The following ASB2 variants were observed in gnomAD, a reference collection of about 807,000 sequenced individuals.
ASB2 encodes ankyrin repeat and SOCS box containing 2, also known as ankyrin repeat and SOCS box protein 2.
Under a neutral mutation model 62.4 loss-of-function variants are expected in ASB2, and 58 were observed. The ratio of observed to expected loss-of-function variants is 0.93; its 90% confidence interval spans 0.75 to 1.16. The LOEUF is 1.16. ASB2 is among the 50% of genes most tolerant of loss of function. The pLI, the probability that ASB2 is intolerant of heterozygous loss-of-function variation, is 0.00. For synonymous variants in ASB2, 386 were observed against 385.3 expected (o/e 1.00, Z -0.02); for missense variants, 928 against 887.9 (o/e 1.05, Z -0.57).
chr14:93,951,139 GAC>G lies in ASB2; in HGVS notation c.738_739del (p.Arg248GlnfsTer2). On this transcript the variant is annotated frameshift_variant, in exon 6 of 10. Coordinates refer to ENST00000555019, the MANE Select transcript of ASB2 (RefSeq NM_001202429.2). LOFTEE classifies it high-confidence loss of function. ...CTGCATGACCTCCAGGTCATTGCGA[GAC>G]ACAGACTCGTGCAGAGCGGTCCAGC... 5 of 1,614,228 alleles carry G rather than the reference GAC, an allele frequency of 3.1e-6. No homozygotes were observed. Among genetic ancestry groups the G allele is most frequent in the Admixed American group, 1.7e-5 (1 of 60,030 alleles).
chr14:93,954,602 T>G, intron 3 of ASB2, 119 bp from the exon 4 acceptor site: 1 of 885,284 alleles, frequency 1.1e-6, no homozygotes, highest in Non-Finnish European at 1.7e-6. Context: ...GGTTCCAGGA[T>G]GAGCACTCAG....
intron 3 of ASB2, among the ~76,000 whole-genome samples, chr14:93,956,094 C>T (rs1320059471): frequency 2.0e-5 from 3 of 152,184 alleles, no homozygotes; most frequent in African/African-American, 7.2e-5. Context: ...AATGCAGTTC[C>T]AGTGATAGGG....
intron 9 of ASB2, among the ~76,000 whole-genome samples, chr14:93,936,321 C>T (rs1888269325): frequency 6.6e-6 from 1 of 152,376 alleles, no homozygotes; most frequent in South Asian, 2.1e-4. Flanking sequence ...CAAATGCGTA[C>T]TCCACACTAA....
At chr14:93,959,163 A>G (rs1889324707) in intron 2 of ASB2, among the ~76,000 whole-genome samples, 1 of 152,168 alleles carries the variant, frequency 6.6e-6, no homozygotes, top group Non-Finnish European at 1.5e-5. Context: ...CATTCAACAA[A>G]GAGTTCCCAG....
At chr14:93,944,546 G>T (rs868710980) in intron 7 of ASB2, among the ~76,000 whole-genome samples, 1 of 152,228 alleles carries the variant, frequency 6.6e-6, no homozygotes, top group Non-Finnish European at 1.5e-5. Flanking sequence ...TCAAATCCCC[G>T]AGCAGAGGGC....
At chr14:93,936,858 G>A (rs981810714) in intron 9 of ASB2, among the ~76,000 whole-genome samples, 15 of 152,208 alleles carry the variant, frequency 9.9e-5, no homozygotes, top group Non-Finnish European at 1.8e-4. Flanking sequence ...CCCTAGGGTA[G>A]CTAGAATGCC....
intron 3 of ASB2, chr14:93,955,169 A>G (rs1889136763): frequency 2.2e-6 from 1 of 456,424 alleles, no homozygotes; most frequent in African/African-American, 2.0e-5. Flanking sequence ...ACTTTTGGGG[A>G]GGCTTCTGCA....
chr14:93,947,562 G>A (rs1233061124), intron 6 of ASB2, 42 bp from the exon 7 acceptor site: 1 of 1,604,842 alleles, frequency 6.2e-7, no homozygotes, highest in Non-Finnish European at 8.5e-7. Context: ...AAGTGACCGG[G>A]AAGTTGCTGT....
At chr14:93,952,716 G>T (rs1567025496) in intron 5 of ASB2, among the ~76,000 whole-genome samples, 2 of 152,228 alleles carry the variant, frequency 1.3e-5, no homozygotes, top group Admixed American at 6.5e-5. Context: ...GGGGATACCA[G>T]CAGTGCCTAC....
intron 7 of ASB2, chr14:93,939,878 T>C (rs1486145614): frequency 8.7e-6 from 4 of 460,388 alleles, no homozygotes; most frequent in South Asian, 4.6e-5. Context: ...GTCTCCGCTT[T>C]ACAGATAAGG....
In ASB2 at chr14:93,955,082, C is replaced by A. The variant is rs535124082; in HGVS notation, c.312-599G>T. On this transcript the variant is annotated intron_variant, in intron 3 of 9. Transcript: ENST00000555019. Reference sequence around the variant, plus strand: ...TGTTCATTCATTGCTTCCTTCCTTCCTTCATTCATTCACTGAGCTCCCTAC... The same window carrying A: ...TGTTCATTCATTGCTTCCTTCCTTCATTCATTCATTCACTGAGCTCCCTAC... The A allele has an allele frequency of 4.8e-5, 22 of 456,760 alleles. No individual in the cohort carries two copies. The East Asian group carries it at 1.2e-3, about 25-fold the overall frequency. 28.3% of individuals were successfully genotyped at this position (456,760 alleles called of 1,614,324 possible).
At chr14:93,942,314 T>TCCTTGTCCCCTC in intron 7 of ASB2, 1 of 455,486 alleles carries the variant, frequency 2.2e-6, no homozygotes, top group South Asian at 1.5e-5. Context: ...CCCTACCCCT[T>TCCTTGTCCCCTC]CCTTGTCCCC....
intron 1 of ASB2, among the ~76,000 whole-genome samples, chr14:93,966,115 C>A (rs1301799651): frequency 1.3e-5 from 2 of 152,234 alleles, no homozygotes; most frequent in Admixed American, 1.3e-4. Context: ...AGGCCAGCAC[C>A]TTATGTGAGG....
At chr14:93,934,822 A>C (rs1315551479) in intron 9 of ASB2, 30 bp from the exon 10 acceptor site, 1 of 1,598,020 alleles carries the variant, frequency 6.3e-7, no homozygotes, top group South Asian at 1.1e-5. Flanking sequence ...ACAGAGGCTG[A>C]TTTGTCATTT....
In ASB2 at chr14:93,939,469, A is replaced by G; in HGVS notation, c.1256T>C (p.Val419Ala). 6.2e-7 allele frequency: 1 copy of G among 1,612,204 alleles called. No homozygotes were observed. Among genetic ancestry groups the G allele is most frequent in the South Asian group, 1.1e-5 (1 of 91,030 alleles). Reference sequence around the variant, plus strand: ...GGTGGCGTACACGTTGTTGTTGACCACCGCGAAGTACAGCGCGGAGCTGCG... The same window carrying G: ...GGTGGCGTACACGTTGTTGTTGACCGCCGCGAAGTACAGCGCGGAGCTGCG... ...DRRSSALYFA[V>A]VNNNVYATEL... The change falls in exon 8 of 10, where the codon GTG becomes GCG. Residue 419 changes from valine to alanine, a missense_variant. Transcript: ENST00000555019.
At chr14:93,958,469 G>A (rs889848631) in intron 2 of ASB2, among the ~76,000 whole-genome samples, 1 of 152,106 alleles carries the variant, frequency 6.6e-6, no homozygotes. Flanking sequence ...CCAGCTCTCC[G>A]ACCTCCACAC....
At chr14:93,962,841 C>T (rs1277920125) in intron 2 of ASB2, among the ~76,000 whole-genome samples, 1 of 152,212 alleles carries the variant, frequency 6.6e-6, no homozygotes, top group Non-Finnish European at 1.5e-5. Flanking sequence ...GGAAGAGGAA[C>T]TTGTGGCCTG....
In ASB2 at chr14:93,934,248, G is replaced by A. The variant is rs545522636; in HGVS notation, c.*408C>T. 5.2e-5 allele frequency: 24 copies of A among 457,380 alleles called. No individual in the cohort carries two copies. The highest frequency in any genetic ancestry group is 3.2e-4 in the African/African-American group (16 of 50,110). The allele number at this position is 457,380 out of a possible 1,614,324, so 28.3% of individuals were successfully genotyped here. ...CCCCCTACCCCCTACCTTGGGCCAC[G>A]TCTTCATCTTAGTCTTTGGAGAGAA... On this transcript the variant is annotated 3_prime_UTR_variant, in exon 10 of 10. Coordinates refer to ENST00000555019, the MANE Select transcript of ASB2 (RefSeq NM_001202429.2).
Position 93,939,329 on chromosome 14 carries a change from T to C in ASB2, c.1396A>G (p.Asn466Asp), listed in dbSNP as rs1337189483. ...TGCGTGGCGATATAGGCGTCGATGT[T>C]CGCGCCGTGGTCCAGCAGCAGCTGC... is the stretch of plus-strand genomic sequence containing the variant. ...TMQLLLDHGA[N>D]IDAYIATHPT... Residue 466 changes from asparagine (N) to aspartate (D), a missense_variant, in exon 8 of 10, where the codon AAC becomes GAC. Transcript: ENST00000555019. The C allele has an allele frequency of 6.2e-7, 1 of 1,610,692 alleles. No homozygotes were observed. Among genetic ancestry groups the C allele is most frequent in the African/African-American group, 1.3e-5 (1 of 74,836 alleles).
Sources: gnomAD v4.1 joint callset for allele counts (sites outside exome capture counted in the v4.1 genomes callset) on GRCh38, gnomAD v4.1.1 for gene constraint, MANE v1.5 for transcripts, NCBI Gene and HGNC (gene_info 2026-07-23, HGNC 2026-07-21) for gene names.